The following ZNF860 variants were observed in gnomAD, a reference collection of about 807,000 sequenced individuals.
The protein encoded by ZNF860 is zinc finger protein 860.
For missense variants in ZNF860, 641 were observed against 759.2 expected (o/e 0.84, Z 1.83); for synonymous variants, 206 against 248.9 (o/e 0.83, Z 1.62).
chr3:31,989,642 C>T lies in ZNF860; in HGVS notation c.563C>T (p.Ser188Leu), dbSNP rs775996535. Residue 188 changes from serine to leucine, a missense_variant, in exon 2 of 2, where the codon TCA becomes TTA. By Grantham distance (145) the Ser-to-Leu change is moderately radical (BLOSUM62 -2). Coordinates refer to ENST00000360311, the MANE Select transcript of ZNF860 (RefSeq NM_001137674.3). ...QVEKSINDAS[S>L]VLTSQRISSR... is the part of the protein sequence containing the mutation. The stretch of plus-strand genomic sequence containing the variant: ...GAGAAGTCTATCAACGATGCTTCCT[C>T]AGTTCTAACGTCCCAAAGAATTTCT... 3 of 1,614,066 alleles carry T rather than the reference C, an allele frequency of 1.9e-6. No homozygotes were observed. Among genetic ancestry groups the T allele is most frequent in the Admixed American group, 3.3e-5 (2 of 60,008 alleles).
the ZNF860 span, among the ~76,000 whole-genome samples, chr3:31,998,633 T>G: frequency 6.6e-6 from 1 of 152,224 alleles, no homozygotes; most frequent in Non-Finnish European, 1.5e-5. Flanking sequence ...CCAAATATGG[T>G]CCTCTAGTCA....
chr3:31,999,902 C>G, the ZNF860 span, among the ~76,000 whole-genome samples: 1 of 152,132 alleles, frequency 6.6e-6, no homozygotes, highest in Non-Finnish European at 1.5e-5. Flanking sequence ...AAAGGTCATT[C>G]GATTCCCTTG....
downstream of ZNF860, among the ~76,000 whole-genome samples, chr3:31,996,662 G>T (rs1248150573): frequency 2.0e-5 from 3 of 152,122 alleles, no homozygotes; most frequent in African/African-American, 7.2e-5. Context: ...GTTGCCGGGT[G>T]CTGACGTTTC....
At chr3:31,982,480 T>C (rs1388263112) in intron 1 of ZNF860, among the ~76,000 whole-genome samples, 1 of 152,060 alleles carries the variant, frequency 6.6e-6, no homozygotes, top group East Asian at 1.9e-4. Flanking sequence ...AATGGAAAAG[T>C]CAGCTCTCAA....
the ZNF860 span, among the ~76,000 whole-genome samples, chr3:31,997,613 C>T: frequency 6.6e-6 from 1 of 151,502 alleles, no homozygotes; most frequent in Non-Finnish European, 1.5e-5. Flanking sequence ...AAATGACAAG[C>T]AGAAGAAGGA....
the ZNF860 span, among the ~76,000 whole-genome samples, chr3:31,999,243 C>A: frequency 6.6e-6 from 1 of 152,182 alleles, no homozygotes; most frequent in Non-Finnish European, 1.5e-5. Context: ...CCAGCTACTC[C>A]CCTAACCTGA....
Position 31,988,952 on chromosome 3 carries a change from A to T in ZNF860, c.-128A>T. 8.3e-7 allele frequency: 1 copy of T among 1,201,432 alleles called. No homozygotes were observed. Among genetic ancestry groups the T allele is most frequent in the Non-Finnish European group, 1.2e-6 (1 of 856,620 alleles). The allele number at this position is 1,201,432 out of a possible 1,614,324, so 74.4% of individuals were successfully genotyped here. On this transcript the variant is annotated 5_prime_UTR_variant, in exon 2 of 2. Transcript: ENST00000360311. Reference sequence around the variant, plus strand: ...GACCCACAGCGACTGTGAGATAATCAGTGTTTGTTGCCTTAAGCCACGAAG... The same window carrying T: ...GACCCACAGCGACTGTGAGATAATCTGTGTTTGTTGCCTTAAGCCACGAAG...
chr3:32,004,741 C>T, the ZNF860 span, among the ~76,000 whole-genome samples: 53 of 152,140 alleles, frequency 3.5e-4, no homozygotes, highest in African/African-American at 1.2e-3. Flanking sequence ...CCTTGCAGAG[C>T]GACAGACACA....
At position 31,990,839 on chromosome 3, in the gene ZNF860, T is replaced by C. The variant is rs1172310011; in HGVS notation, c.1760T>C (p.Ile587Thr). Residue 587 changes from isoleucine to threonine, a missense_variant, in exon 2 of 2, where the codon ATT (isoleucine) becomes ACT (threonine). Coordinates refer to ENST00000360311, the MANE Select transcript of ZNF860 (RefSeq NM_001137674.3). ...TCATCTTATGCAAAACAAAGGAGAA[T>C]TCATATGGGAGAGAAACATCACAAG... is the stretch of plus-strand genomic sequence containing the variant. ...QASSYAKQRR[I>T]HMGEKHHKCD... The C allele has an allele frequency of 1.9e-6, 3 of 1,588,412 alleles. No homozygotes were observed. The highest frequency in any genetic ancestry group is 2.3e-5 in the East Asian group (1 of 43,532).
chr3:31,992,942 G>A (rs377411851), downstream of ZNF860, among the ~76,000 whole-genome samples: 85 of 152,278 alleles, frequency 5.6e-4, no homozygotes, highest in African/African-American at 2.0e-3. Flanking sequence ...GTTCAAAGCT[G>A]CAGTGAGCTG....
chr3:31,992,129 G>A (rs968290779), downstream of ZNF860, among the ~76,000 whole-genome samples: 15 of 144,526 alleles, frequency 1.0e-4, no homozygotes, highest in Non-Finnish European at 1.5e-4. Context: ...CTAGGCAACA[G>A]AGCGAGACTC....
At chr3:31,999,435 A>G in the ZNF860 span, among the ~76,000 whole-genome samples, 2 of 145,580 alleles carry the variant, frequency 1.4e-5, no homozygotes, top group Non-Finnish European at 3.0e-5. Flanking sequence ...ATCTCGGCTC[A>G]CCACAACCTC....
At chr3:31,987,034 T>A (rs1213128751) in intron 1 of ZNF860, among the ~76,000 whole-genome samples, 1 of 152,066 alleles carries the variant, frequency 6.6e-6, no homozygotes, top group Non-Finnish European at 1.5e-5. Context: ...AAAAATTATT[T>A]CTAAACCACT....
At chr3:31,995,591 G>T (rs146447107), downstream of ZNF860, among the ~76,000 whole-genome samples, 1 of 152,230 alleles carries the variant, frequency 6.6e-6, no homozygotes, top group East Asian at 1.9e-4. Context: ...CAATCAATTT[G>T]TACAGTTAAC....
rs1379101495 is a variant in ZNF860 at position 31,989,066 on chromosome 3, A to C, written c.-14A>C. On this transcript the variant is annotated 5_prime_UTR_variant, in exon 2 of 2. Coordinates refer to ENST00000360311, the MANE Select transcript of ZNF860 (RefSeq NM_001137674.3). ...TGAAGGTCACACTGCAGCACTATTG[A>C]TTTCTAAAGACTCATGTTACGTGAG... 1 of 1,613,818 alleles carries C rather than the reference A, an allele frequency of 6.2e-7. No homozygotes were observed. Among genetic ancestry groups the C allele is most frequent in the Non-Finnish European group, 8.5e-7 (1 of 1,179,954 alleles).
the ZNF860 span, among the ~76,000 whole-genome samples, chr3:31,996,822 C>A: frequency 0.012 from 1,849 of 152,228 alleles, 35 homozygotes; most frequent in African/African-American, 0.042. Context: ...ACAAAAAAAA[C>A]TTGACAAGTA....
downstream of ZNF860, chr3:31,991,747 C>T (rs921788529): frequency 6.5e-6 from 1 of 154,238 alleles, no homozygotes; most frequent in Non-Finnish European, 1.5e-5. Flanking sequence ...CAGATGCCTA[C>T]CCTGAAACAT....
the ZNF860 span, among the ~76,000 whole-genome samples, chr3:32,002,160 TCATTCA>T: frequency 2.0e-5 from 3 of 152,180 alleles, no homozygotes; most frequent in African/African-American, 7.2e-5. Context: ...ATTTACTCAT[TCATTCA>T]TTTACTCGCC....
chr3:31,988,101 T>C (rs185457984), intron 1 of ZNF860, among the ~76,000 whole-genome samples: 62 of 152,360 alleles, frequency 4.1e-4, no homozygotes, highest in Non-Finnish European at 7.3e-4. Context: ...AAAATTGCCT[T>C]GGACCACTGA....
Sources: gnomAD v4.1 joint callset for allele counts (sites outside exome capture counted in the v4.1 genomes callset) on GRCh38, gnomAD v4.1.1 for gene constraint, MANE v1.5 for transcripts, NCBI Gene and HGNC (gene_info 2026-07-23, HGNC 2026-07-21) for gene names.